The following LRRC53 variants were observed in gnomAD, a reference collection of about 807,000 sequenced individuals.
The protein encoded by LRRC53 is leucine rich repeat containing 53, also known as leucine-rich repeat-containing protein 53.
LRRC53 carries 25 observed loss-of-function variants against 13.6 expected under a neutral mutation model. That is an observed-to-expected ratio of 1.83 (90% CI 1.34 to 2.56). LRRC53 has a LOEUF of 2.56. LRRC53 is among the 30% of genes most tolerant of loss of function. The pLI is 0.00. For synonymous variants in LRRC53, 204 were observed against 109.8 expected, an observed-to-expected ratio of 1.86 and a Z score of -5.37; for missense variants, 527 against 275.8, an observed-to-expected ratio of 1.91 and a Z score of -6.45.
At chr1:74,486,449 A>G (rs1252071072) in intron 1 of LRRC53, among the ~76,000 whole-genome samples, 1 of 151,842 alleles carries the variant, frequency 6.6e-6, no homozygotes, top group Admixed American at 6.6e-5. Context: ...TATAAGAGTA[A>G]AGTATGATAG....
At position 74,469,929 on chromosome 1, in the gene LRRC53, C is replaced by T; in HGVS notation, c.3693G>A (p.Leu1231=). 2.5e-6 allele frequency: 1 copy of T among 400,652 alleles called. No individual in the cohort carries two copies. Among genetic ancestry groups the T allele is most frequent in the Non-Finnish European group, 4.4e-6 (1 of 226,128 alleles). The allele number at this position is 400,652 out of a possible 1,614,324, so 24.8% of individuals were successfully genotyped here. ...TAGCATATTCAGCAGATGGTGGATA[C>T]AGTACAGGTTTTGGAGCAGAGTTTT... ...EAENSAPKPV[L]YPPSAEYATT... is the part of the protein sequence containing the mutation. The change falls in exon 5 of 5, where the codon CTG becomes CTA. Residue 1231 remains leucine (L), a synonymous_variant. Transcript: ENST00000294635.
In LRRC53 at chr1:74,497,568, A is replaced by G. The variant is rs1669391637; in HGVS notation, c.-26-14193T>C. Among the ~76,000 whole-genome samples, 9 of 150,940 alleles carry G rather than the reference A, an allele frequency of 6.0e-5. No homozygotes were observed. In the South Asian group the frequency reaches 1.7e-3, roughly 28 times the overall value. ...TTCAACTCACACCACATACATGCAC[A>G]CACACACACACACATACACATGCAC... On this transcript the variant is annotated intron_variant, in intron 1 of 4. Coordinates refer to ENST00000294635, the MANE Select transcript of LRRC53 (RefSeq NM_001382280.1).
chr1:74,522,495 G>A, the LRRC53 span, among the ~76,000 whole-genome samples: 3,638 of 152,178 alleles, frequency 0.024, 61 homozygotes, highest in Non-Finnish European at 0.034. Flanking sequence ...CGAGTTGCAT[G>A]ACTAATTCTC....
At chr1:74,517,223 T>G (rs1342792124), upstream of LRRC53, among the ~76,000 whole-genome samples, 1 of 152,206 alleles carries the variant, frequency 6.6e-6, no homozygotes, top group Non-Finnish European at 1.5e-5. Flanking sequence ...ATTAATCCAA[T>G]TTTACAGATG....
Position 74,471,404 on chromosome 1 carries a change from T to G in LRRC53, c.2218A>C (p.Lys740Gln). 1 of 400,734 alleles carries G rather than the reference T, an allele frequency of 2.5e-6. No homozygotes were observed. The allele number at this position is 400,734 out of a possible 1,614,324, so 24.8% of individuals were successfully genotyped here. A position where few individuals can be genotyped will look rare whatever the true frequency, so the allele number is the denominator to read the frequency against. The change falls in exon 5 of 5, where the codon AAG (lysine) becomes CAG (glutamine). Residue 740 changes from lysine to glutamine, a missense_variant. By Grantham distance (53) the Lys-to-Gln change is moderately conservative. Transcript: ENST00000294635. ...HPEKSLSSLP[K>Q]QCKQVLLPPK... The stretch of plus-strand genomic sequence containing the variant: ...GGCAACAATACCTGCTTGCATTGCT[T>G]TGGGAGACTTGACAAGGATTTTTCT...
the LRRC53 span, among the ~76,000 whole-genome samples, chr1:74,530,079 C>T: frequency 6.6e-6 from 1 of 152,148 alleles, no homozygotes; most frequent in Non-Finnish European, 1.5e-5. Flanking sequence ...ATCCTACTGC[C>T]TTGGCCTCCC....
chr1:74,528,253 G>A, the LRRC53 span, among the ~76,000 whole-genome samples: 1 of 152,330 alleles, frequency 6.6e-6, no homozygotes, highest in Non-Finnish European at 1.5e-5. Context: ...AGGTGTACGT[G>A]TGGGCAGGCA....
chr1:74,521,596 T>C, the LRRC53 span, among the ~76,000 whole-genome samples: 1 of 152,134 alleles, frequency 6.6e-6, no homozygotes, highest in Non-Finnish European at 1.5e-5. Flanking sequence ...TTTTTCTGCG[T>C]TCCTTTATTT....
chr1:74,478,501 T>G (rs1327343113), intron 3 of LRRC53, among the ~76,000 whole-genome samples: 1 of 152,170 alleles, frequency 6.6e-6, no homozygotes, highest in Non-Finnish European at 1.5e-5. Context: ...TACTAAAAAT[T>G]GCTCTATTAT....
the LRRC53 span, among the ~76,000 whole-genome samples, chr1:74,521,368 T>G: frequency 6.6e-6 from 1 of 152,150 alleles, no homozygotes; most frequent in Non-Finnish European, 1.5e-5. Context: ...AAACAAACTA[T>G]GTAAGTCACT....
intron 1 of LRRC53, among the ~76,000 whole-genome samples, chr1:74,510,917 C>A (rs1346266639): frequency 6.6e-6 from 1 of 152,218 alleles, no homozygotes; most frequent in Non-Finnish European, 1.5e-5. Context: ...GACGAAGTCT[C>A]ACTCTTGTCC....
At chr1:74,475,855 A>G in intron 3 of LRRC53, 45 bp from the exon 4 acceptor site, 1 of 535,984 alleles carries the variant, frequency 1.9e-6, no homozygotes, top group East Asian at 2.9e-5. Context: ...TCTTGGGAAG[A>G]AACACATAAA....
the LRRC53 span, among the ~76,000 whole-genome samples, chr1:74,529,372 C>T: frequency 6.6e-6 from 1 of 152,060 alleles, no homozygotes; most frequent in African/African-American, 2.4e-5. Context: ...TCTGATAAAA[C>T]CAAATTGAAG....
chr1:74,494,622 T>A (rs1457132582), intron 1 of LRRC53, among the ~76,000 whole-genome samples: 1 of 152,210 alleles, frequency 6.6e-6, no homozygotes, highest in East Asian at 1.9e-4. Flanking sequence ...TTGATATTTC[T>A]AAAGCACAGT....
intron 1 of LRRC53, among the ~76,000 whole-genome samples, chr1:74,494,209 A>G (rs1168745019): frequency 6.6e-6 from 1 of 152,194 alleles, no homozygotes; most frequent in Non-Finnish European, 1.5e-5. Flanking sequence ...ACACACTCAT[A>G]CACTCCATTA....
In LRRC53 at chr1:74,510,273, G is replaced by A. The variant is rs563191712; in HGVS notation, c.-27+2253C>T. ...TGTAATCCCAGCACTTTCGGAGGCCGAGGCGGGCAGATCACGAGGTCAGGA... is the reference window on the plus strand; with the variant it reads ...TGTAATCCCAGCACTTTCGGAGGCCAAGGCGGGCAGATCACGAGGTCAGGA... On this transcript the variant is annotated intron_variant, in intron 1 of 4. Transcript: ENST00000294635. Among the ~76,000 whole-genome samples the A allele has an allele frequency of 7.2e-5, 11 of 152,172 alleles. No individual in the cohort carries two copies. In the East Asian group the frequency reaches 9.7e-4, roughly 13 times the overall value.
the LRRC53 span, among the ~76,000 whole-genome samples, chr1:74,528,361 C>T: frequency 2.0e-5 from 3 of 151,956 alleles, no homozygotes; most frequent in Admixed American, 6.6e-5. Flanking sequence ...AAGTGAGGAG[C>T]GGACCCACTT....
the LRRC53 span, among the ~76,000 whole-genome samples, chr1:74,527,342 C>T: frequency 6.6e-6 from 1 of 152,194 alleles, no homozygotes; most frequent in Admixed American, 6.5e-5. Flanking sequence ...GAGGAAACAT[C>T]ATTCATTCAT....
intron 1 of LRRC53, among the ~76,000 whole-genome samples, chr1:74,507,938 C>T (rs1382592681): frequency 1.3e-5 from 2 of 152,108 alleles, no homozygotes; most frequent in African/African-American, 4.8e-5. Context: ...TGGGAGTTTG[C>T]CAGGAACCAA....
Sources: gnomAD v4.1 joint callset for allele counts (sites outside exome capture counted in the v4.1 genomes callset) on GRCh38, gnomAD v4.1.1 for gene constraint, MANE v1.5 for transcripts, NCBI Gene and HGNC (gene_info 2026-07-23, HGNC 2026-07-21) for gene names.